LRFN5: variants seen among roughly 807,000 people sequenced by gnomAD.
LRFN5 encodes the protein leucine rich repeat and fibronectin type III domain containing 5.
A neutral mutation model predicts 45.6 loss-of-function variants in LRFN5; 24 were observed. The observed-to-expected ratio is 0.53, with a 90% confidence interval of 0.38 to 0.74. The LOEUF is 0.74. Ranked by LOEUF, LRFN5 falls within the 30% of genes least tolerant of loss-of-function variation. The probability of loss-of-function intolerance (pLI) is 0.00; values close to 1 mark genes in which losing one functional copy is unlikely to be tolerated. For synonymous variants in LRFN5, 340 were observed against 313.8 expected (o/e 1.08, Z -0.88); for missense variants, 776 against 861.5 (o/e 0.90, Z 1.24).
chr14:41,861,638 A>G (rs1889665323), intron 2 of LRFN5, among the ~76,000 whole-genome samples: 1 of 152,108 alleles, frequency 6.6e-6, no homozygotes. Flanking sequence ...GAATGCTTGC[A>G]TAGTAGTAGT....
At chr14:41,612,820 A>T (rs1414309922) in intron 1 of LRFN5, among the ~76,000 whole-genome samples, 1 of 152,080 alleles carries the variant, frequency 6.6e-6, no homozygotes, top group Non-Finnish European at 1.5e-5. Flanking sequence ...CTACCAACAT[A>T]AATTGTATGT....
chr14:41,678,369 A>T (rs1262252811), intron 1 of LRFN5, among the ~76,000 whole-genome samples: 1 of 152,124 alleles, frequency 6.6e-6, no homozygotes, highest in African/African-American at 2.4e-5. Context: ...ATATATATAC[A>T]TCTAACAACA....
At chr14:41,883,846 G>T (rs2139144462) in intron 2 of LRFN5, among the ~76,000 whole-genome samples, 1 of 152,084 alleles carries the variant, frequency 6.6e-6, no homozygotes. Context: ...TCAACAAATT[G>T]TTTGCTTTTA....
At chr14:41,647,860 G>C (rs76166034) in intron 1 of LRFN5, among the ~76,000 whole-genome samples, 3,249 of 152,244 alleles carry the variant, frequency 0.021, 106 homozygotes, top group African/African-American at 0.071. Context: ...TGGGGAGTGT[G>C]ATGATAAATT....
At chr14:41,841,174 C>A (rs1888846418) in intron 2 of LRFN5, among the ~76,000 whole-genome samples, 1 of 151,612 alleles carries the variant, frequency 6.6e-6, no homozygotes, top group African/African-American at 2.4e-5. Context: ...TAAAAATAAA[C>A]CAGTGATTCT....
chr14:41,818,492 TAC>T (rs772520302), intron 2 of LRFN5, among the ~76,000 whole-genome samples: 4 of 151,752 alleles, frequency 2.6e-5, no homozygotes, highest in Non-Finnish European at 5.9e-5. Flanking sequence ...ACATATGATA[TAC>T]ACACACACAA....
chr14:41,767,076 A>C (rs1885912329), intron 2 of LRFN5, 47 bp downstream of exon 2: 1 of 152,628 alleles, frequency 6.6e-6, no homozygotes, highest in South Asian at 2.1e-4. Flanking sequence ...GGTTTAAAAC[A>C]CTTAAGGGAG....
At chr14:41,638,883 A>G (rs1879432171) in intron 1 of LRFN5, among the ~76,000 whole-genome samples, 1 of 152,116 alleles carries the variant, frequency 6.6e-6, no homozygotes, top group Admixed American at 6.6e-5. Flanking sequence ...CATCAGTGAT[A>G]CAGTGGACAT....
intron 1 of LRFN5, among the ~76,000 whole-genome samples, chr14:41,645,572 T>C (rs901464600): frequency 1.3e-5 from 2 of 152,232 alleles, no homozygotes; most frequent in Non-Finnish European, 2.9e-5. Context: ...GAAGAGTTTA[T>C]ACCTTGTAGA....
At chr14:41,701,185 G>A (rs745804474) in intron 1 of LRFN5, 1 of 152,034 alleles carries the variant, frequency 6.6e-6, no homozygotes, top group African/African-American at 2.4e-5. Context: ...AGAACTATGA[G>A]TCTGCTAAAG....
At position 41,898,950 on chromosome 14, in the gene LRFN5, A is replaced by G; in HGVS notation, c.2132A>G (p.Gln711Arg). ...CTGACTAATGTTGACCAGATTGTCC[A>G]GGAAACACAGGTGAGATTCTTATTA... is the stretch of plus-strand genomic sequence containing the variant. ...ALLTNVDQIV[Q>R]ETQRLELI Residue 711 changes from glutamine (Q) to arginine (R), a missense_variant, in exon 5 of 6, where the codon CAG becomes CGG. Gln to Arg is a conservative substitution (Grantham distance 43). This residue lies in a region of LRFN5 where 465 missense variants were observed against 456.4 expected (regional missense o/e 1.02). Transcript: ENST00000298119. The G allele has an allele frequency of 6.2e-7, 1 of 1,611,214 alleles. No individual in the cohort carries two copies. Among genetic ancestry groups the G allele is most frequent in the Non-Finnish European group, 8.5e-7 (1 of 1,178,604 alleles).
intron 5 of LRFN5, among the ~76,000 whole-genome samples, chr14:41,899,929 G>C (rs142823853): frequency 6.6e-6 from 1 of 152,176 alleles, no homozygotes; most frequent in Non-Finnish European, 1.5e-5. Context: ...GCACATGTTT[G>C]TGTTCTATTG....
intron 1 of LRFN5, among the ~76,000 whole-genome samples, chr14:41,682,258 A>G (rs1484480860): frequency 6.6e-6 from 1 of 151,886 alleles, no homozygotes; most frequent in Non-Finnish European, 1.5e-5. Context: ...AATAATAATA[A>G]TAATAATAAT....
intron 1 of LRFN5, among the ~76,000 whole-genome samples, chr14:41,710,862 A>T (rs927085873): frequency 1.3e-5 from 2 of 150,424 alleles, no homozygotes; most frequent in Non-Finnish European, 3.0e-5. Context: ...GAGTGAGAAC[A>T]TGTGGTGTTT....
chr14:41,668,556 C>G (rs918504947), intron 1 of LRFN5, among the ~76,000 whole-genome samples: 2 of 152,082 alleles, frequency 1.3e-5, no homozygotes, highest in African/African-American at 4.8e-5. Context: ...GAAGCAGTTT[C>G]AAACAACATC....
rs149537712 is a variant in LRFN5 at position 41,861,655 on chromosome 14, C to CAA, written c.-20-24949_-20-24948dup. On this transcript the variant is annotated intron_variant, in intron 2 of 5. Coordinates refer to ENST00000298119, the MANE Select transcript of LRFN5 (RefSeq NM_152447.5). ...ATGCTTGCATAGTAGTAGTGATCAGCAAACGTTTGTTGGGTGAATAGAAGG... is the reference window on the plus strand; with the variant it reads ...ATGCTTGCATAGTAGTAGTGATCAGCAAAAACGTTTGTTGGGTGAATAGAAGG... Among the ~76,000 whole-genome samples the CAA allele has an allele frequency of 9.9e-3, 1,509 of 152,206 alleles. 28 individuals carry two copies. Among genetic ancestry groups the CAA allele is most frequent in the African/African-American group, 0.034 (1,392 of 41,532 alleles).
intron 2 of LRFN5, among the ~76,000 whole-genome samples, chr14:41,787,749 A>G (rs1245820997): frequency 1.3e-5 from 2 of 151,444 alleles, no homozygotes; most frequent in Non-Finnish European, 2.9e-5. Context: ...TTCTCCTTGT[A>G]GTTTTTCATT....
At chr14:41,762,406 T>A (rs1163715909) in intron 1 of LRFN5, among the ~76,000 whole-genome samples, 1 of 152,158 alleles carries the variant, frequency 6.6e-6, no homozygotes, top group Non-Finnish European at 1.5e-5. Context: ...CTTGGATGTG[T>A]GTAATAATTT....
At chr14:41,785,408 T>C (rs1241157449) in intron 2 of LRFN5, among the ~76,000 whole-genome samples, 2 of 152,166 alleles carry the variant, frequency 1.3e-5, no homozygotes, top group Non-Finnish European at 2.9e-5. Flanking sequence ...ATTTCCTCTG[T>C]TGGATTATAT....
Sources: allele counts gnomAD v4.1 joint callset (sites outside exome capture counted in the v4.1 genomes callset), GRCh38; gene constraint gnomAD v4.1.1; regional missense constraint gnomAD v4.1.1; transcripts MANE v1.5; gene names NCBI Gene and HGNC (gene_info 2026-07-23, HGNC 2026-07-21).